KAZN: variants seen among roughly 807,000 people sequenced by gnomAD.
KAZN encodes the protein kazrin, periplakin interacting protein, also known as kazrin.
KAZN carries 40 observed loss-of-function variants against 87.4 expected under a neutral mutation model. The observed-to-expected ratio is 0.46, with a 90% CI of 0.36 to 0.60. The LOEUF is 0.60. Ranked by LOEUF, KAZN falls within the 20% of genes least tolerant of loss-of-function variation. The pLI, the probability that KAZN is intolerant of heterozygous loss-of-function variation, is 0.00. For synonymous variants in KAZN, 466 were observed against 458.3 expected (o/e 1.02, Z -0.22); for missense variants, 898 against 1,073.9 (o/e 0.84, Z 2.29).
At chr1:14,151,526 T>G (rs1570882103) in intron 1 of KAZN, among the ~76,000 whole-genome samples, 1 of 152,196 alleles carries the variant, frequency 6.6e-6, no homozygotes, top group Non-Finnish European at 1.5e-5. Context: ...GAACTACTAT[T>G]TACTGTGTCT....
intron 1 of KAZN, among the ~76,000 whole-genome samples, chr1:13,929,317 G>C (rs1002161425): frequency 3.3e-5 from 5 of 152,150 alleles, no homozygotes; most frequent in African/African-American, 4.8e-5. Flanking sequence ...ATTTAATCCA[G>C]TTAAAAACTC....
chr1:15,073,326 T>G (rs1178171269), intron 8 of KAZN, among the ~76,000 whole-genome samples: 1 of 152,126 alleles, frequency 6.6e-6, no homozygotes, highest in Non-Finnish European at 1.5e-5. Flanking sequence ...GGGAGCTGTG[T>G]GCGTATTGAA....
intron 1 of KAZN, among the ~76,000 whole-genome samples, chr1:14,707,933 TC>T (rs1642294853): frequency 6.6e-6 from 1 of 152,308 alleles, no homozygotes; most frequent in South Asian, 2.1e-4. Context: ...CACAGATCCT[TC>T]CTTCACGGAG....
chr1:14,270,358 G>A (rs1651823541), intron 2 of KAZN, among the ~76,000 whole-genome samples: 1 of 152,208 alleles, frequency 6.6e-6, no homozygotes, highest in Admixed American at 6.5e-5. Flanking sequence ...TAGTGGATAT[G>A]GGGAGGTAGA....
intron 2 of KAZN, among the ~76,000 whole-genome samples, chr1:14,382,007 A>C (rs567562786): frequency 1.3e-5 from 2 of 152,348 alleles, no homozygotes; most frequent in South Asian, 4.1e-4. Flanking sequence ...AAGATACAAA[A>C]ATCAGTAGCA....
chr1:14,798,989 C>G (rs1645920865), intron 1 of KAZN, among the ~76,000 whole-genome samples: 2 of 151,832 alleles, frequency 1.3e-5, no homozygotes, highest in African/African-American at 4.8e-5. Flanking sequence ...GTTGCCCAGG[C>G]TGGTCTCAAA....
chr1:13,968,004 G>A (rs1023775271), intron 1 of KAZN, among the ~76,000 whole-genome samples: 3 of 152,180 alleles, frequency 2.0e-5, no homozygotes, highest in African/African-American at 7.2e-5. Flanking sequence ...CTCTCCCTTG[G>A]TCTCTAGGGG....
At chr1:14,951,916 G>A (rs1246489581) in intron 1 of KAZN, among the ~76,000 whole-genome samples, 1 of 152,180 alleles carries the variant, frequency 6.6e-6, no homozygotes, top group East Asian at 1.9e-4. Context: ...GTGGCCAAGG[G>A]AGCACTCACA....
intron 2 of KAZN, among the ~76,000 whole-genome samples, chr1:14,386,768 C>T (rs10927419): frequency 0.35 from 52,671 of 150,964 alleles, 9,730 homozygotes; most frequent in East Asian, 0.72. Flanking sequence ...ATTTCAACTT[C>T]GGTGAATCTG....
intron 1 of KAZN, among the ~76,000 whole-genome samples, chr1:14,805,760 CAAAATAATA>C (rs1463947288): frequency 1.7e-5 from 2 of 117,650 alleles, no homozygotes; most frequent in African/African-American, 6.1e-5. Flanking sequence ...CACCCCATCT[CAAAATAATA>C]ATAATAATAA....
At chr1:14,920,529 A>T (rs1172031079) in intron 1 of KAZN, among the ~76,000 whole-genome samples, 1 of 152,070 alleles carries the variant, frequency 6.6e-6, no homozygotes, top group Non-Finnish European at 1.5e-5. Flanking sequence ...GAGGCTGGAC[A>T]CAGTGTGCCC....
chr1:14,321,171 C>T (rs1479625835), intron 2 of KAZN, among the ~76,000 whole-genome samples: 1 of 152,080 alleles, frequency 6.6e-6, no homozygotes, highest in South Asian at 2.1e-4. Context: ...AAGTGTATAT[C>T]GTGGCTTACA....
At chr1:15,020,288 A>T (rs1200146234) in intron 2 of KAZN, among the ~76,000 whole-genome samples, 2 of 152,214 alleles carry the variant, frequency 1.3e-5, no homozygotes, top group Non-Finnish European at 2.9e-5. Context: ...TAATTAAAGG[A>T]TCACATAATA....
intron 1 of KAZN, among the ~76,000 whole-genome samples, chr1:14,866,005 C>T (rs1312202870): frequency 6.6e-6 from 1 of 152,162 alleles, no homozygotes; most frequent in African/African-American, 2.4e-5. Context: ...GCCATCTAGC[C>T]CCTAGAACTG....
At chr1:14,472,258 G>A (rs912250173) in intron 2 of KAZN, among the ~76,000 whole-genome samples, 2 of 152,138 alleles carry the variant, frequency 1.3e-5, no homozygotes, top group Admixed American at 6.5e-5. Flanking sequence ...ATACAGAAAC[G>A]TTCAGACCAT....
At chr1:14,232,087 G>A (rs1459807117) in intron 2 of KAZN, among the ~76,000 whole-genome samples, 4 of 152,306 alleles carry the variant, frequency 2.6e-5, no homozygotes, top group African/African-American at 9.6e-5. Flanking sequence ...GCTGGGAAAT[G>A]TAGTCTGGCT....
intron 1 of KAZN, among the ~76,000 whole-genome samples, chr1:13,974,296 T>C (rs985466968): frequency 6.6e-6 from 1 of 152,206 alleles, no homozygotes; most frequent in African/African-American, 2.4e-5. Flanking sequence ...GCCACTCTTA[T>C]CATTTAGGGA....
chr1:14,907,054 C>T (rs1656669386), intron 1 of KAZN, among the ~76,000 whole-genome samples: 2 of 151,654 alleles, frequency 1.3e-5, no homozygotes, highest in Non-Finnish European at 2.9e-5. Context: ...TCAGCAACTC[C>T]TCGGAGTTTA....
chr1:14,567,281 G>C (rs1052778098), intron 2 of KAZN, among the ~76,000 whole-genome samples: 1 of 152,016 alleles, frequency 6.6e-6, no homozygotes, highest in South Asian at 2.1e-4. Flanking sequence ...TGGAGCTGTC[G>C]GAACACACAA....
Sources: allele counts gnomAD v4.1 joint callset (sites outside exome capture counted in the v4.1 genomes callset), GRCh38; gene constraint gnomAD v4.1.1; transcripts MANE v1.5; gene names NCBI Gene and HGNC (gene_info 2026-07-23, HGNC 2026-07-21).